Variants in MRPL10 observed in about 807,000 individuals in gnomAD.
The protein encoded by MRPL10 is large ribosomal subunit protein uL10m.
A neutral mutation model predicts 19.8 loss-of-function variants in MRPL10; 14 were observed. That is an observed-to-expected ratio of 0.71 (90% CI 0.47 to 1.11). MRPL10 has a LOEUF of 1.11. Ranked by LOEUF, MRPL10 falls within the 50% of genes least tolerant of loss-of-function variation. MRPL10 has a pLI of 0.00. For missense variants in MRPL10, 318 were observed against 339.6 expected (o/e 0.94, Z 0.50); for synonymous variants, 129 against 139.2 (o/e 0.93, Z 0.52).
At chr17:47,824,530 A>C (rs2033499144) in intron 4 of MRPL10, 72 bp from the exon 5 acceptor site, 1 of 1,486,786 alleles carries the variant, frequency 6.7e-7, no homozygotes, top group East Asian at 2.3e-5. Context: ...TTCTGACCCT[A>C]GTAACTTGCT....
In MRPL10 at chr17:47,831,477, C is replaced by T. The variant is rs1264229359; in HGVS notation, c.35G>A (p.Gly12Asp). ...AAAVAGMLRG[G>D]LLPQAGRLPT... ...CTCCTTACCCGCCTGGGGCAGGAGA[C>T]CCCCTCGCAGCATCCCCGCCACGGC... Residue 12 changes from glycine (G) to aspartate (D), a missense_variant, in exon 1 of 5, where the codon GGT (glycine) becomes GAT (aspartate). Physicochemically the swap from Gly to Asp is moderately conservative, Grantham distance 94. Transcript: ENST00000351111. 3 of 1,548,852 alleles carry T rather than the reference C, an allele frequency of 1.9e-6. No individual in the cohort carries two copies. The highest frequency in any genetic ancestry group is 2.6e-6 in the Non-Finnish European group (3 of 1,146,702).
At chr17:47,829,459 A>G (rs536245188) in intron 1 of MRPL10, 1 of 152,276 alleles carries the variant, frequency 6.6e-6, no homozygotes, top group Non-Finnish European at 1.5e-5. Context: ...GACAGCAGAA[A>G]CTATGTACCA....
rs373056086 is a variant in MRPL10, at chr17:47,823,499, A to T, written c.*706T>A. On this transcript the variant is annotated 3_prime_UTR_variant, in exon 5 of 5. Coordinates refer to ENST00000351111, the MANE Select transcript of MRPL10 (RefSeq NM_145255.4). ...TTTTATTATAAAGCAGTGCTCCCAA[A>T]CTTTTCACAGCGTACACCTCGAGGG... 56 of 151,726 alleles carry T rather than the reference A, an allele frequency of 3.7e-4. No individual in the cohort carries two copies. The highest frequency in any genetic ancestry group is 1.3e-3 in the African/African-American group (55 of 41,526). The allele number at this position is 151,726 out of a possible 1,614,324, so 9.4% of individuals were successfully genotyped here.
chr17:47,828,120 T>C (rs1328907155), intron 2 of MRPL10, among the ~76,000 whole-genome samples: 1 of 151,536 alleles, frequency 6.6e-6, no homozygotes, highest in Non-Finnish European at 1.5e-5. Context: ...GGAGAATCAC[T>C]TGAACCTGGG....
intron 1 of MRPL10, among the ~76,000 whole-genome samples, chr17:47,829,875 T>A (rs2033597489): frequency 6.7e-6 from 1 of 148,434 alleles, no homozygotes; most frequent in South Asian, 2.1e-4. Flanking sequence ...CCGGCCTGGG[T>A]GACAGAGCAA....
intron 2 of MRPL10, among the ~76,000 whole-genome samples, chr17:47,827,944 C>T (rs1017361730): frequency 6.8e-6 from 1 of 147,034 alleles, no homozygotes; most frequent in Non-Finnish European, 1.5e-5. Flanking sequence ...GTGGCTCATG[C>T]CTGCAATCCC....
At position 47,829,894 on chromosome 17, in the gene MRPL10, C is replaced by CAA. The variant is rs202029179; in HGVS notation, c.53-1226_53-1225dup. On this transcript the variant is annotated intron_variant, in intron 1 of 4. Coordinates refer to ENST00000351111, the MANE Select transcript of MRPL10 (RefSeq NM_145255.4). The stretch of plus-strand genomic sequence containing the variant: ...CCTGGGTGACAGAGCAAGACTGTCT[C>CAA]AAAAAAAAAAAAAGAAAGAAAGAAA... Among the ~76,000 whole-genome samples, 739 of 136,024 alleles carry CAA rather than the reference C, an allele frequency of 5.4e-3. 8 individuals carry two copies. Among genetic ancestry groups the CAA allele is most frequent in the Middle Eastern group, 0.033 (9 of 274 alleles). The allele number at this position is 136,024 out of a possible 152,430, so 89.2% of individuals were successfully genotyped here.
In MRPL10 at chr17:47,824,060, G is replaced by T; in HGVS notation, c.*145C>A. The T allele has an allele frequency of 4.1e-6, 4 of 973,428 alleles. No homozygotes were observed. The highest frequency in any genetic ancestry group is 6.2e-6 in the Non-Finnish European group (4 of 645,634). 60.3% of individuals were successfully genotyped at this position (973,428 alleles called of 1,614,324 possible). A position where few individuals can be genotyped will look rare whatever the true frequency, so the allele number is the denominator to read the frequency against. The stretch of plus-strand genomic sequence containing the variant: ...ATGGAATCCTCTGCATCTCCAAGTG[G>T]CCCTATACCTGACAATATCATTACT... On this transcript the variant is annotated 3_prime_UTR_variant, in exon 5 of 5. Transcript: ENST00000351111.
At chr17:47,824,782 G>C (rs891083712) in intron 4 of MRPL10, among the ~76,000 whole-genome samples, 2 of 152,156 alleles carry the variant, frequency 1.3e-5, no homozygotes, top group African/African-American at 4.8e-5. Context: ...GGGAGGCTGA[G>C]GCAGGCAGAT....
chr17:47,831,246 A>C, intron 1 of MRPL10: 1 of 1,320,290 alleles, frequency 7.6e-7, no homozygotes, highest in African/African-American at 1.5e-5. Flanking sequence ...GGTCTGGGCG[A>C]GGAGTGGTCC....
At chr17:47,826,300 G>C (rs773436329) in intron 4 of MRPL10, among the ~76,000 whole-genome samples, 3 of 151,996 alleles carry the variant, frequency 2.0e-5, no homozygotes, top group Middle Eastern at 3.4e-3. Flanking sequence ...ACTGGCCCTC[G>C]GCACCCTTTA....
chr17:47,831,207 G>T, intron 1 of MRPL10: 1 of 931,528 alleles, frequency 1.1e-6, no homozygotes, highest in Non-Finnish European at 1.5e-6. Context: ...CATTTAGACT[G>T]ACACATTAAG....
chr17:47,826,899 A>G, intron 3 of MRPL10, 118 bp from the exon 4 acceptor site: 2 of 1,488,034 alleles, frequency 1.3e-6, no homozygotes, highest in Admixed American at 3.7e-5. Context: ...GCCCCTAATC[A>G]TAGGTTAGAC....
chr17:47,824,926 A>G lies in MRPL10; in HGVS notation c.533-468T>C, dbSNP rs990533786. ...CCACTCGGGAGGCTGAGGCAGGAGA[A>G]TCGTTTGAACCCGGGAGGTAGAGGT... On this transcript the variant is annotated intron_variant, in intron 4 of 4. Transcript: ENST00000351111. Among the ~76,000 whole-genome samples, 5 of 150,230 alleles carry G rather than the reference A, an allele frequency of 3.3e-5. No individual in the cohort carries two copies. In the Admixed American group the frequency reaches 3.3e-4, roughly 10 times the overall value.
Position 47,823,992 on chromosome 17 carries a change from A to C in MRPL10, c.*213T>G. 1.6e-6 allele frequency: 1 copy of C among 619,234 alleles called. No individual in the cohort carries two copies. The highest frequency in any genetic ancestry group is 2.8e-6 in the Non-Finnish European group (1 of 358,894). 38.4% of individuals were successfully genotyped at this position (619,234 alleles called of 1,614,324 possible). On this transcript the variant is annotated 3_prime_UTR_variant, in exon 5 of 5. Coordinates refer to ENST00000351111, the MANE Select transcript of MRPL10 (RefSeq NM_145255.4). Reference sequence around the variant, plus strand: ...AGAGACTTTGCTCCTATCACGTCCCAAGTTGGGAAAACTAAGGACGAAGCC... The same window carrying C: ...AGAGACTTTGCTCCTATCACGTCCCCAGTTGGGAAAACTAAGGACGAAGCC...
In MRPL10 at chr17:47,823,708, T is replaced by G. The variant is rs1177769434; in HGVS notation, c.*497A>C. ...GCAAGCCACTTAATTTCTCTGCTCCTTCTCTGTGAAATGGGTACAATGTGG... is the reference window on the plus strand; with the variant it reads ...GCAAGCCACTTAATTTCTCTGCTCCGTCTCTGTGAAATGGGTACAATGTGG... On this transcript the variant is annotated 3_prime_UTR_variant, in exon 5 of 5. Coordinates refer to ENST00000351111, the MANE Select transcript of MRPL10 (RefSeq NM_145255.4). 1 of 164,146 alleles carries G rather than the reference T, an allele frequency of 6.1e-6. No individual in the cohort carries two copies. Among genetic ancestry groups the G allele is most frequent in the African/African-American group, 2.4e-5 (1 of 41,526 alleles). The allele number at this position is 164,146 out of a possible 1,614,324, so 10.2% of individuals were successfully genotyped here.
intron 1 of MRPL10, among the ~76,000 whole-genome samples, chr17:47,830,906 A>G (rs2033618437): frequency 6.6e-6 from 1 of 152,220 alleles, no homozygotes; most frequent in Non-Finnish European, 1.5e-5. Context: ...AGGAGATGCG[A>G]ATGTCTTTCT....
chr17:47,826,270 GA>G (rs2033531522), intron 4 of MRPL10, among the ~76,000 whole-genome samples: 1 of 152,048 alleles, frequency 6.6e-6, no homozygotes, highest in African/African-American at 2.4e-5. Context: ...AGCATCAGGG[GA>G]GTCTGGGAAA....
Position 47,824,020 on chromosome 17 carries a change from T to C in MRPL10, c.*185A>G, listed in dbSNP as rs1196400882. ...TTGGGAAAACTAAGGACGAAGCCGG[T>C]GACTGACATCTGAAATGGAATCCTC... On this transcript the variant is annotated 3_prime_UTR_variant, in exon 5 of 5. Transcript: ENST00000351111. 1.2e-5 allele frequency: 9 copies of C among 723,866 alleles called. No homozygotes were observed. The highest frequency in any genetic ancestry group is 2.0e-5 in the Non-Finnish European group (9 of 445,496). 44.8% of individuals were successfully genotyped at this position (723,866 alleles called of 1,614,324 possible). A position where few individuals can be genotyped will look rare whatever the true frequency, so the allele number is the denominator to read the frequency against.
Sources: allele counts gnomAD v4.1 joint callset (sites outside exome capture counted in the v4.1 genomes callset), GRCh38; gene constraint gnomAD v4.1.1; transcripts MANE v1.5; gene names NCBI Gene and HGNC (gene_info 2026-07-23, HGNC 2026-07-21).